Variants in CALCRL observed in about 807,000 individuals in gnomAD.
CALCRL encodes the protein calcitonin gene-related peptide type 1 receptor.
CALCRL carries 27 observed loss-of-function variants against 60.4 expected under a neutral mutation model. The observed-to-expected ratio is 0.45, with a 90% CI of 0.33 to 0.62. CALCRL has a LOEUF of 0.62. Among genes scored for constraint, CALCRL ranks in the 20% least tolerant of loss-of-function variants. The probability of loss-of-function intolerance (pLI) is 0.03; values close to 1 mark genes in which losing one functional copy is unlikely to be tolerated. For missense variants in CALCRL, 424 were observed against 540.7 expected (o/e 0.78, Z 2.14); for synonymous variants, 190 against 182.6 (o/e 1.04, Z -0.33).
chr2:187,440,263 A>G (rs1258951055), intron 1 of CALCRL, among the ~76,000 whole-genome samples: 1 of 152,128 alleles, frequency 6.6e-6, no homozygotes, highest in East Asian at 1.9e-4. Flanking sequence ...TTCCATGTTG[A>G]TAACATCACG....
intron 10 of CALCRL, 108 bp from the exon 11 acceptor site, chr2:187,359,380 A>T: frequency 2.9e-6 from 2 of 695,108 alleles, no homozygotes; most frequent in African/African-American, 1.8e-5. Context: ...GGAGCAAAAA[A>T]ACTAGCCACT....
intron 1 of CALCRL, among the ~76,000 whole-genome samples, chr2:187,423,608 A>G (rs1402276905): frequency 6.6e-6 from 1 of 152,012 alleles, no homozygotes; most frequent in Non-Finnish European, 1.5e-5. Flanking sequence ...GTATTTTGCA[A>G]TTGTGTGTGT....
At position 187,385,615 on chromosome 2, in the gene CALCRL, A is replaced by G. The variant is rs373880845; in HGVS notation, c.-20T>C. On this transcript the variant is annotated 5_prime_UTR_variant, in exon 4 of 15. Coordinates refer to ENST00000392370, the MANE Select transcript of CALCRL (RefSeq NM_005795.6). ...CTCCATCATTAAGCCAAAATGAAAT[A>G]TGCTGTATAACATAAACTGCAACAG... 17 of 1,536,168 alleles carry G rather than the reference A, an allele frequency of 1.1e-5. No homozygotes were observed. Among genetic ancestry groups the G allele is most frequent in the Non-Finnish European group, 1.4e-5 (16 of 1,123,704 alleles).
rs896471019 is a variant in CALCRL, at chr2:187,344,931, T to C, written c.*1253A>G. 3.3e-5 allele frequency: 5 copies of C among 151,756 alleles called. No homozygotes were observed. The highest frequency in any genetic ancestry group is 5.9e-5 in the Non-Finnish European group (4 of 67,754). 9.4% of individuals were successfully genotyped at this position (151,756 alleles called of 1,614,324 possible). A position where few individuals can be genotyped will look rare whatever the true frequency, so the allele number is the denominator to read the frequency against. Reference sequence around the variant, plus strand: ...CATTGTCAAAATGAAAAAAGAAATATGTCAAACACACCTATTATTAAGGTA... The same window carrying C: ...CATTGTCAAAATGAAAAAAGAAATACGTCAAACACACCTATTATTAAGGTA... On this transcript the variant is annotated 3_prime_UTR_variant, in exon 15 of 15. Transcript: ENST00000392370.
At chr2:187,435,042 A>T (rs559528106) in intron 1 of CALCRL, among the ~76,000 whole-genome samples, 3 of 152,366 alleles carry the variant, frequency 2.0e-5, no homozygotes, top group Admixed American at 6.5e-5. Flanking sequence ...CATGATGGAC[A>T]ATCTTGGGTC....
intron 1 of CALCRL, among the ~76,000 whole-genome samples, chr2:187,438,028 T>A (rs1180916992): frequency 6.6e-6 from 1 of 152,190 alleles, no homozygotes; most frequent in African/African-American, 2.4e-5. Flanking sequence ...CTGAATGACA[T>A]ACATATTTGA....
At position 187,425,119 on chromosome 2, in the gene CALCRL, A is replaced by G. The variant is rs1690063033; in HGVS notation, c.-293+22920T>C. On this transcript the variant is annotated intron_variant, in intron 1 of 14. Transcript: ENST00000392370. ...TTTGTCTCAAAGAACAATGTTTTGGAATCTAATAAAATCTCTTCAGATACT... is the reference window on the plus strand; with the variant it reads ...TTTGTCTCAAAGAACAATGTTTTGGGATCTAATAAAATCTCTTCAGATACT... 2.0e-5 allele frequency among the ~76,000 whole-genome samples: 3 copies of G among 151,852 alleles called. No individual in the cohort carries two copies. The South Asian group carries it at 6.2e-4, about 32-fold the overall frequency.
intron 1 of CALCRL, among the ~76,000 whole-genome samples, chr2:187,391,048 T>C (rs1037046102): frequency 6.6e-6 from 1 of 152,172 alleles, no homozygotes; most frequent in African/African-American, 2.4e-5. Context: ...AGATGAATCA[T>C]GGCAAGGCAT....
chr2:187,389,026 G>T (rs1688321352), intron 1 of CALCRL, among the ~76,000 whole-genome samples: 1 of 150,436 alleles, frequency 6.6e-6, no homozygotes, highest in Non-Finnish European at 1.5e-5. Context: ...CTCATTGTCT[G>T]CACTTTATAA....
intron 1 of CALCRL, among the ~76,000 whole-genome samples, chr2:187,423,245 T>C (rs1689962779): frequency 2.0e-5 from 3 of 152,076 alleles, no homozygotes; most frequent in African/African-American, 7.2e-5. Context: ...TATATTGTTT[T>C]TAATTTAATA....
rs917025160 is a variant in CALCRL at position 187,419,036 on chromosome 2, T to C, written c.-293+29003A>G. On this transcript the variant is annotated intron_variant, in intron 1 of 14. Coordinates refer to ENST00000392370, the MANE Select transcript of CALCRL (RefSeq NM_005795.6). Reference sequence around the variant, plus strand: ...CACGTCTGGCTAATTTTTTTTTTTTTTTTTTTTTTTTGGTATTTTAGTAGA... The same window carrying C: ...CACGTCTGGCTAATTTTTTTTTTTTCTTTTTTTTTTTGGTATTTTAGTAGA... Among the ~76,000 whole-genome samples, 6 of 146,416 alleles carry C rather than the reference T, an allele frequency of 4.1e-5. 1 individual carries two copies. The highest frequency in any genetic ancestry group is 1.5e-4 in the African/African-American group (6 of 39,800).
intron 4 of CALCRL, among the ~76,000 whole-genome samples, chr2:187,384,649 C>T (rs1013474370): frequency 2.0e-5 from 3 of 152,128 alleles, no homozygotes; most frequent in Admixed American, 6.6e-5. Flanking sequence ...AATACAAATG[C>T]GGACAGGAAT....
chr2:187,387,938 C>G (rs1196654602), intron 1 of CALCRL, among the ~76,000 whole-genome samples, 182 bp from the exon 2 acceptor site: 1 of 152,008 alleles, frequency 6.6e-6, no homozygotes, highest in Non-Finnish European at 1.5e-5. Flanking sequence ...ATTATATTCA[C>G]AGCATGGGAT....
chr2:187,447,672 C>A (rs964120311), intron 1 of CALCRL, among the ~76,000 whole-genome samples: 2 of 151,760 alleles, frequency 1.3e-5, no homozygotes, highest in Non-Finnish European at 2.9e-5. Context: ...GTTTAAAGAC[C>A]CTTCCGGGGG....
chr2:187,417,574 C>T (rs1166503284), intron 1 of CALCRL, among the ~76,000 whole-genome samples: 5 of 151,940 alleles, frequency 3.3e-5, no homozygotes, highest in African/African-American at 7.2e-5. Flanking sequence ...TGCCTTTGAC[C>T]TGTAATGAAC....
At chr2:187,432,456 T>C (rs1330705003) in intron 1 of CALCRL, among the ~76,000 whole-genome samples, 1 of 152,094 alleles carries the variant, frequency 6.6e-6, no homozygotes, top group East Asian at 1.9e-4. Flanking sequence ...ATCAGATCTA[T>C]TGCCAATAAT....
chr2:187,419,189 T>C (rs1252970600), intron 1 of CALCRL, among the ~76,000 whole-genome samples: 4 of 151,940 alleles, frequency 2.6e-5, no homozygotes, highest in Non-Finnish European at 5.9e-5. Flanking sequence ...ATGGACTAAA[T>C]TGTGTCTGCC....
At chr2:187,442,487 A>AT (rs1690964793) in intron 1 of CALCRL, among the ~76,000 whole-genome samples, 3 of 151,722 alleles carry the variant, frequency 2.0e-5, no homozygotes, top group African/African-American at 7.2e-5. Flanking sequence ...CAAAACCTAA[A>AT]TTTTTTTTGC....
chr2:187,442,385 GA>G (rs927190723), intron 1 of CALCRL, among the ~76,000 whole-genome samples: 1 of 150,442 alleles, frequency 6.6e-6, no homozygotes, highest in African/African-American at 2.4e-5. Flanking sequence ...TTAATTTATG[GA>G]AAAAAAGGTT....
Sources: allele counts gnomAD v4.1 joint callset (sites outside exome capture counted in the v4.1 genomes callset), GRCh38; gene constraint gnomAD v4.1.1; transcripts MANE v1.5; gene names NCBI Gene and HGNC (gene_info 2026-07-23, HGNC 2026-07-21).